RIMS1: variants seen among roughly 807,000 people sequenced by gnomAD.
The protein encoded by RIMS1 is regulating synaptic membrane exocytosis protein 1.
Under a neutral mutation model 214.1 loss-of-function variants are expected in RIMS1, and 83 were observed. The ratio of observed to expected loss-of-function variants is 0.39; its 90% CI spans 0.32 to 0.47. RIMS1 has a LOEUF of 0.47. Ranked by LOEUF, RIMS1 falls within the 20% of genes least tolerant of loss-of-function variation. The probability of loss-of-function intolerance (pLI) is 0.99; values close to 1 mark genes in which losing one functional copy is unlikely to be tolerated. For synonymous variants in RIMS1, 793 were observed against 786.8 expected (o/e 1.01, Z -0.13); for missense variants, 2,050 against 2,161.8 (o/e 0.95, Z 1.03).
At chr6:72,395,110 T>C (rs2098757534) in intron 31 of RIMS1, among the ~76,000 whole-genome samples, 1 of 151,980 alleles carries the variant, frequency 6.6e-6, no homozygotes, top group Non-Finnish European at 1.5e-5. Context: ...TAACATGGCT[T>C]ATATAAATTT....
At chr6:71,899,777 G>A (rs1389462727) in intron 1 of RIMS1, among the ~76,000 whole-genome samples, 1 of 152,092 alleles carries the variant, frequency 6.6e-6, no homozygotes, top group Admixed American at 6.6e-5. Context: ...TGGACTAATG[G>A]TGGACAGTTG....
At chr6:72,338,849 A>AAGAGAGAGAGAG (rs59731805) in intron 29 of RIMS1, among the ~76,000 whole-genome samples, 69 of 138,750 alleles carry the variant, frequency 5.0e-4, no homozygotes, top group African/African-American at 1.4e-3. Flanking sequence ...CCAACTTGTG[A>AAGAGAGAGAGAG]AGAGAGAGAG....
chr6:72,041,638 A>C (rs1264642379), intron 2 of RIMS1, among the ~76,000 whole-genome samples: 4 of 151,882 alleles, frequency 2.6e-5, no homozygotes, highest in Admixed American at 2.6e-4. Context: ...CTTCCATGCA[A>C]GTGAGGTCTC....
At chr6:71,910,596 A>G (rs10484973) in intron 1 of RIMS1, among the ~76,000 whole-genome samples, 29,583 of 152,068 alleles carry the variant, frequency 0.19, 3,080 homozygotes, top group East Asian at 0.36. Context: ...TGTATCCCTC[A>G]TTATCCAGGA....
At chr6:72,033,724 C>T (rs990736581) in intron 2 of RIMS1, among the ~76,000 whole-genome samples, 1 of 151,940 alleles carries the variant, frequency 6.6e-6, no homozygotes, top group Non-Finnish European at 1.5e-5. Context: ...TCAGGTGATC[C>T]ACACGCCTCA....
intron 6 of RIMS1, chr6:72,217,103 T>C: frequency 6.6e-7 from 1 of 1,515,438 alleles, no homozygotes; most frequent in Non-Finnish European, 8.8e-7. Context: ...ATTTTTTAAT[T>C]GTGTTGTGCA....
intron 1 of RIMS1, among the ~76,000 whole-genome samples, chr6:71,889,280 C>A (rs1768860621): frequency 6.6e-6 from 1 of 152,136 alleles, no homozygotes; most frequent in Admixed American, 6.5e-5. Flanking sequence ...GACAGAATTC[C>A]AAACCTGCTA....
intron 6 of RIMS1, chr6:72,216,863 T>A: frequency 9.7e-7 from 1 of 1,034,402 alleles, no homozygotes; most frequent in Non-Finnish European, 1.2e-6. Flanking sequence ...CTAAAAGAGC[T>A]TTAGTGTATG....
intron 6 of RIMS1, among the ~76,000 whole-genome samples, chr6:72,205,712 A>T (rs2052781154): frequency 6.6e-6 from 1 of 152,200 alleles, no homozygotes; most frequent in Non-Finnish European, 1.5e-5. Context: ...TGATTGCATC[A>T]CAAAGAGTAT....
At chr6:72,258,349 C>A in intron 17 of RIMS1, 68 bp downstream of exon 17, 2 of 1,344,196 alleles carry the variant, frequency 1.5e-6, no homozygotes, top group South Asian at 1.6e-5. Context: ...TAAATTGCTG[C>A]AAAACTAACT....
rs10642216 is a variant in RIMS1 at position 71,933,682 on chromosome 6, T to TCACACACACACACA, written c.165-35278_165-35265dup. On this transcript the variant is annotated intron_variant, in intron 1 of 33. Transcript: ENST00000521978. ...TAAATGTCTATCAGCTCTTCCTCAA[T>TCACACACACACACA]CACACACACACACACACACACACAC... Among the ~76,000 whole-genome samples the TCACACACACACACA allele has an allele frequency of 4.4e-4, 61 of 139,308 alleles. 1 individual carries two copies. Among genetic ancestry groups the TCACACACACACACA allele is most frequent in the African/African-American group, 1.4e-3 (50 of 36,990 alleles). 91.4% of individuals were successfully genotyped at this position (139,308 alleles called of 152,430 possible).
intron 6 of RIMS1, among the ~76,000 whole-genome samples, chr6:72,210,332 G>A (rs145123399): frequency 1.6e-4 from 24 of 152,272 alleles, no homozygotes; most frequent in African/African-American, 5.3e-4. Flanking sequence ...GCTAACTTTA[G>A]CTAAAAATGT....
At chr6:72,332,585 A>G (rs1408124241) in intron 28 of RIMS1, among the ~76,000 whole-genome samples, 2 of 149,366 alleles carry the variant, frequency 1.3e-5, no homozygotes, top group African/African-American at 4.9e-5. Flanking sequence ...ACCTAATGCT[A>G]AATGATGAGT....
At chr6:72,024,584 C>T (rs980240931) in intron 2 of RIMS1, among the ~76,000 whole-genome samples, 57 of 152,232 alleles carry the variant, frequency 3.7e-4, no homozygotes, top group Non-Finnish European at 1.0e-4. Context: ...GGCTTCTTTA[C>T]ATTTTCTCAG....
chr6:72,239,730 T>C (rs2065905711), intron 9 of RIMS1, among the ~76,000 whole-genome samples: 1 of 152,222 alleles, frequency 6.6e-6, no homozygotes, highest in African/African-American at 2.4e-5. Flanking sequence ...CTGTTTATTA[T>C]GAAGATCCTT....
intron 6 of RIMS1, among the ~76,000 whole-genome samples, chr6:72,207,521 C>T (rs1313432540): frequency 6.6e-6 from 1 of 152,078 alleles, no homozygotes; most frequent in African/African-American, 2.4e-5. Flanking sequence ...TAGGAAGCAA[C>T]TAGGTGTGTG....
intron 2 of RIMS1, among the ~76,000 whole-genome samples, chr6:72,023,471 T>A (rs1455459595): frequency 6.6e-6 from 1 of 152,068 alleles, no homozygotes; most frequent in Non-Finnish European, 1.5e-5. Context: ...TCTCAAGAAA[T>A]CTAGATTTAC....
At chr6:72,052,880 C>T (rs1257957248) in intron 2 of RIMS1, among the ~76,000 whole-genome samples, 1 of 152,112 alleles carries the variant, frequency 6.6e-6, no homozygotes, top group Admixed American at 6.6e-5. Context: ...AAAGGGAAAG[C>T]ACAAAGGTTG....
intron 4 of RIMS1, among the ~76,000 whole-genome samples, chr6:72,133,793 G>A (rs2040839879): frequency 6.6e-6 from 1 of 152,058 alleles, no homozygotes; most frequent in Non-Finnish European, 1.5e-5. Flanking sequence ...TCCCTATCAG[G>A]ATACCTAGCA....
Sources: gnomAD v4.1 joint callset for allele counts (sites outside exome capture counted in the v4.1 genomes callset) on GRCh38, gnomAD v4.1.1 for gene constraint, MANE v1.5 for transcripts, NCBI Gene and HGNC (gene_info 2026-07-23, HGNC 2026-07-21) for gene names.